Variants in TRAPPC9 observed in about 807,000 individuals in gnomAD.
The protein encoded by TRAPPC9 is trafficking protein particle complex subunit 9.
TRAPPC9 carries 83 observed loss-of-function variants against 124.0 expected under a neutral mutation model. That is an observed-to-expected ratio of 0.67 (90% CI 0.56 to 0.80). The LOEUF (loss-of-function observed/expected upper bound fraction) is 0.80. TRAPPC9 is among the 30% of genes least tolerant of loss of function. The pLI is 0.00. For synonymous variants in TRAPPC9, 638 were observed against 617.5 expected, an observed-to-expected ratio of 1.03 and a Z score of -0.49; for missense variants, 1,302 against 1,508.3, an observed-to-expected ratio of 0.86 and a Z score of 2.27.
At chr8:139,789,850 C>T (rs10435690) in intron 21 of TRAPPC9, among the ~76,000 whole-genome samples, 63,069 of 151,950 alleles carry the variant, frequency 0.42, 14,500 homozygotes, top group Non-Finnish European at 0.52. Flanking sequence ...ACTCCAGGAC[C>T]GGTACATCCC....
intron 19 of TRAPPC9, among the ~76,000 whole-genome samples, chr8:139,947,628 G>C (rs1168858109): frequency 6.6e-6 from 1 of 151,934 alleles, no homozygotes; most frequent in East Asian, 1.9e-4. Flanking sequence ...GGGAGGCCTA[G>C]GCAGGTGGAT....
At chr8:140,103,155 T>C (rs1047226492) in intron 17 of TRAPPC9, among the ~76,000 whole-genome samples, 6 of 152,322 alleles carry the variant, frequency 3.9e-5, no homozygotes, top group South Asian at 4.1e-4. Flanking sequence ...GGTTTCCTCA[T>C]ACTCAGCCTG....
intron 17 of TRAPPC9, chr8:140,100,475 C>T (rs2060557333): frequency 6.6e-6 from 1 of 152,308 alleles, no homozygotes; most frequent in African/African-American, 2.4e-5. Flanking sequence ...TTCGCGACTT[C>T]AGCCGCAACA....
chr8:139,769,781 T>C (rs868789914), intron 21 of TRAPPC9, among the ~76,000 whole-genome samples: 1 of 152,374 alleles, frequency 6.6e-6, no homozygotes, highest in South Asian at 2.1e-4. Context: ...AAATTTTAGG[T>C]AGAGCATGAA....
intron 18 of TRAPPC9, among the ~76,000 whole-genome samples, chr8:139,997,121 G>A (rs1021202748): frequency 6.6e-6 from 1 of 152,176 alleles, no homozygotes. Context: ...AAGCCATCTG[G>A]AAAGCTGCCA....
chr8:139,971,792 CAT>C lies in TRAPPC9; in HGVS notation c.2810+16932_2810+16933del, dbSNP rs1168384406. On this transcript the variant is annotated intron_variant, in intron 19 of 22. Transcript: ENST00000438773. ...ATATATATACACACACATATATACA[CAT>C]ATATATATACATATATATATATACA... Among the ~76,000 whole-genome samples, 8 of 15,646 alleles carry C rather than the reference CAT, an allele frequency of 5.1e-4. 1 individual carries two copies. The highest frequency in any genetic ancestry group is 7.7e-4 in the Non-Finnish European group (6 of 7,820). The allele number at this position is 15,646 out of a possible 152,430, so 10.3% of individuals were successfully genotyped here. A position where few individuals can be genotyped will look rare whatever the true frequency, so the allele number is the denominator to read the frequency against.
chr8:140,073,553 A>C (rs1293932823), intron 17 of TRAPPC9, among the ~76,000 whole-genome samples: 2 of 152,234 alleles, frequency 1.3e-5, no homozygotes, highest in Admixed American at 6.5e-5. Context: ...GGATTAACCT[A>C]GATGGGATAC....
At chr8:139,759,818 G>A (rs774961853) in intron 21 of TRAPPC9, among the ~76,000 whole-genome samples, 2 of 152,198 alleles carry the variant, frequency 1.3e-5, no homozygotes, top group Non-Finnish European at 2.9e-5. Flanking sequence ...TGGAGGCAAG[G>A]TAGCCCTGGA....
At chr8:140,078,244 A>T (rs1312132864) in intron 17 of TRAPPC9, among the ~76,000 whole-genome samples, 1 of 152,246 alleles carries the variant, frequency 6.6e-6, no homozygotes, top group Non-Finnish European at 1.5e-5. Flanking sequence ...TTTCATTTTA[A>T]CAAAAGGCAA....
At chr8:140,256,609 G>A (rs1160503694) in intron 15 of TRAPPC9, among the ~76,000 whole-genome samples, 1 of 152,082 alleles carries the variant, frequency 6.6e-6, no homozygotes, top group African/African-American at 2.4e-5. Flanking sequence ...CAAGACGCTG[G>A]AGTTCCTTTC....
intron 17 of TRAPPC9, among the ~76,000 whole-genome samples, chr8:140,142,501 G>T (rs1370761498): frequency 6.6e-6 from 1 of 152,236 alleles, no homozygotes; most frequent in East Asian, 1.9e-4. Context: ...TGGGAAGGCT[G>T]CTCCTGCAGT....
chr8:140,229,730 G>A (rs1455623782), intron 16 of TRAPPC9, among the ~76,000 whole-genome samples: 1 of 151,906 alleles, frequency 6.6e-6, no homozygotes, highest in Non-Finnish European at 1.5e-5. Context: ...GCTAATTTTT[G>A]CATTTTTAGT....
At chr8:140,152,558 C>T (rs1356642492) in intron 17 of TRAPPC9, among the ~76,000 whole-genome samples, 3 of 150,906 alleles carry the variant, frequency 2.0e-5, no homozygotes, top group South Asian at 2.1e-4. Context: ...TTAGTAGAGA[C>T]GGGGTTTCAC....
chr8:140,323,107 C>T (rs2066641118), intron 9 of TRAPPC9, among the ~76,000 whole-genome samples: 1 of 152,102 alleles, frequency 6.6e-6, no homozygotes, highest in South Asian at 2.1e-4. Context: ...TGATCAGCAG[C>T]CAGTGGTCTA....
At position 140,283,896 on chromosome 8, in the gene TRAPPC9, G is replaced by A. The variant is rs372142706; in HGVS notation, c.2107C>T (p.Leu703=). The change falls in exon 14 of 23, where the codon CTG becomes TTG. Residue 703 remains leucine, a synonymous_variant. Transcript: ENST00000438773. ...GACCCTCGTGCACACTACCTGGGCA[G>A]AGAGGTGCTGATCTGCAGTCTTGGC... ...ALPRLQISTS[L]PRSAHSLQPS... is the part of the protein sequence containing the mutation. 35 of 1,614,090 alleles carry A rather than the reference G, an allele frequency of 2.2e-5. No individual in the cohort carries two copies. The highest frequency in any genetic ancestry group is 2.8e-5 in the Non-Finnish European group (33 of 1,180,028).
chr8:139,839,357 T>G (rs1044802948), intron 21 of TRAPPC9, among the ~76,000 whole-genome samples: 3 of 152,086 alleles, frequency 2.0e-5, no homozygotes, highest in Admixed American at 6.5e-5. Flanking sequence ...GGGATCCAGG[T>G]GGAGGGGTCC....
intron 16 of TRAPPC9, among the ~76,000 whole-genome samples, chr8:140,235,463 C>A (rs2063709781): frequency 6.6e-6 from 1 of 151,706 alleles, no homozygotes; most frequent in Non-Finnish European, 1.5e-5. Context: ...GGTAAATAAC[C>A]CAATAAAAAA....
At chr8:140,156,521 C>A (rs541494530) in intron 17 of TRAPPC9, among the ~76,000 whole-genome samples, 2 of 152,308 alleles carry the variant, frequency 1.3e-5, no homozygotes, top group Admixed American at 1.3e-4. Flanking sequence ...TTCTATCATA[C>A]AAGAGAAAGA....
chr8:139,941,342 C>G (rs1203019941), intron 19 of TRAPPC9, among the ~76,000 whole-genome samples: 1 of 152,232 alleles, frequency 6.6e-6, no homozygotes, highest in Non-Finnish European at 1.5e-5. Context: ...GGAGGGCCGG[C>G]AGCCCCTAGC....
Sources: allele counts gnomAD v4.1 joint callset (sites outside exome capture counted in the v4.1 genomes callset), GRCh38; gene constraint gnomAD v4.1.1; transcripts MANE v1.5; gene names NCBI Gene and HGNC (gene_info 2026-07-23, HGNC 2026-07-21).